KLHL1: variants seen among roughly 807,000 people sequenced by gnomAD.
KLHL1 encodes the protein kelch like family member 1.
A neutral mutation model predicts 77.7 loss-of-function variants in KLHL1; 47 were observed. The observed-to-expected ratio is 0.60, with a 90% confidence interval of 0.48 to 0.77. The LOEUF is 0.77. Among genes scored for constraint, KLHL1 ranks in the 30% least tolerant of loss-of-function variants. The pLI is 0.00. For missense variants in KLHL1, 925 were observed against 910.8 expected, an observed-to-expected ratio of 1.02 and a Z score of -0.20; for synonymous variants, 360 against 325.2, an observed-to-expected ratio of 1.11 and a Z score of -1.15.
intron 7 of KLHL1, among the ~76,000 whole-genome samples, chr13:69,743,715 G>A (rs1874079934): frequency 6.6e-6 from 1 of 151,882 alleles, no homozygotes; most frequent in Non-Finnish European, 1.5e-5. Context: ...CAACCTGGGA[G>A]GCAGAGGTTG....
intron 6 of KLHL1, among the ~76,000 whole-genome samples, chr13:69,824,925 A>T (rs994631065): frequency 6.6e-6 from 1 of 152,130 alleles, no homozygotes; most frequent in African/African-American, 2.4e-5. Context: ...ATCTAAAAAA[A>T]ATTTGAAATC....
At chr13:69,779,345 CCTCCTCTTTT>C (rs1876008594) in intron 7 of KLHL1, among the ~76,000 whole-genome samples, 2 of 151,216 alleles carry the variant, frequency 1.3e-5, no homozygotes, top group Non-Finnish European at 1.5e-5. Flanking sequence ...TCCTTCCTTC[CCTCCTCTTTT>C]TTCCTTTCCT....
chr13:69,880,580 A>C (rs1880950164), intron 5 of KLHL1, among the ~76,000 whole-genome samples: 1 of 152,148 alleles, frequency 6.6e-6, no homozygotes, highest in South Asian at 2.1e-4. Context: ...ACCAATAAGA[A>C]ATAAAATTCC....
At chr13:69,760,974 C>T (rs987243250) in intron 7 of KLHL1, among the ~76,000 whole-genome samples, 12 of 152,060 alleles carry the variant, frequency 7.9e-5, no homozygotes, top group Non-Finnish European at 1.8e-4. Context: ...ACAGAATCTC[C>T]CATTGTTGCC....
intron 4 of KLHL1, among the ~76,000 whole-genome samples, chr13:69,887,686 A>G (rs1314986728): frequency 6.6e-6 from 1 of 152,108 alleles, no homozygotes; most frequent in African/African-American, 2.4e-5. Flanking sequence ...CCAAAAACCC[A>G]TTCCTCATTT....
chr13:69,882,287 G>C lies in KLHL1; in HGVS notation c.1223C>G (p.Pro408Arg). 2 of 1,604,348 alleles carry C rather than the reference G, an allele frequency of 1.2e-6. No individual in the cohort carries two copies. The highest frequency in any genetic ancestry group is 1.7e-6 in the Non-Finnish European group (2 of 1,171,220). The stretch of plus-strand genomic sequence containing the variant: ...AACAGCGTCACACATCATTACCTGT[G>C]GTGGAAGCAGTGGCAGTCTTATAAA... ...LAFIRLPLLP[P>R]QILADLENHA... The change falls in exon 5 of 11, where the codon CCA becomes CGA. Residue 408 changes from proline to arginine, a missense_variant. By Grantham distance (103) the Pro-to-Arg change is moderately radical. Transcript: ENST00000377844.
intron 1 of KLHL1, among the ~76,000 whole-genome samples, chr13:70,084,031 C>A (rs577328092): frequency 6.6e-6 from 1 of 152,196 alleles, no homozygotes; most frequent in South Asian, 2.1e-4. Flanking sequence ...AAGTGGATAA[C>A]AACATGTGCT....
intron 2 of KLHL1, among the ~76,000 whole-genome samples, chr13:69,962,860 TTCTTTAAGA>T (rs1459469104): frequency 1.3e-5 from 2 of 152,122 alleles, no homozygotes; most frequent in Non-Finnish European, 2.9e-5. Flanking sequence ...AATTACTTTT[TTCTTTAAGA>T]TCTTTCAGAA....
intron 7 of KLHL1, among the ~76,000 whole-genome samples, chr13:69,788,497 T>A (rs1252368462): frequency 6.6e-6 from 1 of 151,946 alleles, no homozygotes; most frequent in African/African-American, 2.4e-5. Flanking sequence ...AACATCACAC[T>A]TCGGGGACTG....
intron 1 of KLHL1, among the ~76,000 whole-genome samples, chr13:70,065,613 A>G (rs1378094093): frequency 6.6e-6 from 1 of 152,228 alleles, no homozygotes; most frequent in East Asian, 1.9e-4. Context: ...CAAAATTTTA[A>G]GGACAGCAGA....
At chr13:69,986,397 A>G (rs1884870499) in intron 1 of KLHL1, among the ~76,000 whole-genome samples, 1 of 152,166 alleles carries the variant, frequency 6.6e-6, no homozygotes, top group East Asian at 1.9e-4. Flanking sequence ...TCCTTATTTT[A>G]TCATTGCACG....
intron 4 of KLHL1, among the ~76,000 whole-genome samples, chr13:69,939,388 C>CACACACGCACACACATACAGGGAATA (rs1883294489): frequency 8.6e-6 from 1 of 116,502 alleles, no homozygotes; most frequent in Admixed American, 8.3e-5. Context: ...TACACACACA[C>CACACACGCACACACATACAGGGAATA]ACGCACACAC....
rs193026648 is a variant in KLHL1 at position 69,824,899 on chromosome 13, A to G, written c.1414+14077T>C. Among the ~76,000 whole-genome samples, 756 of 152,162 alleles carry G rather than the reference A, an allele frequency of 5.0e-3. 5 individuals are homozygous for G. Among genetic ancestry groups the G allele is most frequent in the Middle Eastern group, 0.024 (7 of 294 alleles). ...AAGATTTGCACATCTCAATGAATGTAAATTTTGCCTAAAATATCTAAAAAA... is the reference window on the plus strand; with the variant it reads ...AAGATTTGCACATCTCAATGAATGTGAATTTTGCCTAAAATATCTAAAAAA... On this transcript the variant is annotated intron_variant, in intron 6 of 10. Coordinates refer to ENST00000377844, the MANE Select transcript of KLHL1 (RefSeq NM_020866.3).
At chr13:70,015,839 A>G (rs1246344444) in intron 1 of KLHL1, among the ~76,000 whole-genome samples, 3 of 152,228 alleles carry the variant, frequency 2.0e-5, no homozygotes, top group South Asian at 2.1e-4. Context: ...CAAACTGTAT[A>G]CATGTGATAG....
chr13:69,735,184 A>T (rs1362176668), intron 8 of KLHL1, among the ~76,000 whole-genome samples: 1 of 151,882 alleles, frequency 6.6e-6, no homozygotes, highest in Admixed American at 6.6e-5. Context: ...CTAATTTTAG[A>T]AAATAAAATT....
intron 7 of KLHL1, among the ~76,000 whole-genome samples, chr13:69,761,949 A>G (rs1250010222): frequency 6.6e-6 from 1 of 152,218 alleles, no homozygotes; most frequent in Admixed American, 6.5e-5. Context: ...TGTCAAACCC[A>G]TAATTGTTGA....
At chr13:69,869,454 T>A (rs1880497075) in intron 5 of KLHL1, among the ~76,000 whole-genome samples, 1 of 152,186 alleles carries the variant, frequency 6.6e-6, no homozygotes, top group Non-Finnish European at 1.5e-5. Flanking sequence ...CAATGAATTT[T>A]GAATATTTAT....
chr13:69,815,276 C>A (rs1170811308), intron 6 of KLHL1, among the ~76,000 whole-genome samples: 1 of 152,112 alleles, frequency 6.6e-6, no homozygotes, highest in Non-Finnish European at 1.5e-5. Context: ...CAGCACTATT[C>A]GCAATAGCAA....
intron 7 of KLHL1, among the ~76,000 whole-genome samples, chr13:69,754,453 G>A (rs1162727778): frequency 1.3e-5 from 2 of 151,998 alleles, no homozygotes; most frequent in East Asian, 3.9e-4. Flanking sequence ...AACATTTGAA[G>A]CTCAATAAAT....
Sources: gnomAD v4.1 joint callset for allele counts (sites outside exome capture counted in the v4.1 genomes callset) on GRCh38, gnomAD v4.1.1 for gene constraint, MANE v1.5 for transcripts, NCBI Gene and HGNC (gene_info 2026-07-23, HGNC 2026-07-21) for gene names.